Variants in RNF150 observed in about 807,000 individuals in gnomAD.
RNF150 encodes the protein ring finger protein 150.
In RNF150, 24 loss-of-function variants were observed where a neutral mutation model predicts 39.3. The ratio of observed to expected loss-of-function variants is 0.61; its 90% CI spans 0.44 to 0.86. RNF150 has a LOEUF of 0.86. Among genes scored for constraint, RNF150 ranks in the 40% least tolerant of loss-of-function variants. RNF150 has a pLI of 0.00. For synonymous variants in RNF150, 255 were observed against 227.3 expected (o/e 1.12, Z -1.10); for missense variants, 502 against 587.8 (o/e 0.85, Z 1.51).
chr4:140,902,820 G>C (rs1036931340), intron 6 of RNF150, among the ~76,000 whole-genome samples: 3 of 152,296 alleles, frequency 2.0e-5, no homozygotes, highest in African/African-American at 7.2e-5. Flanking sequence ...CAACTGTGCT[G>C]CTGTTCCAGC....
chr4:141,140,660 A>G (rs1727103898), intron 1 of RNF150, among the ~76,000 whole-genome samples: 1 of 152,218 alleles, frequency 6.6e-6, no homozygotes. Context: ...AGGTTGAACT[A>G]AAAGCCAAGA....
At chr4:140,987,086 G>A (rs1054818888) in intron 1 of RNF150, among the ~76,000 whole-genome samples, 5 of 151,878 alleles carry the variant, frequency 3.3e-5, no homozygotes, top group African/African-American at 1.2e-4. Flanking sequence ...GTTCTACAAG[G>A]AGAACTACAA....
At chr4:141,037,655 C>T (rs1329709880) in intron 1 of RNF150, among the ~76,000 whole-genome samples, 1 of 152,074 alleles carries the variant, frequency 6.6e-6, no homozygotes, top group South Asian at 2.1e-4. Context: ...ATCAAAAGAG[C>T]CTTTTTCCCA....
intron 1 of RNF150, among the ~76,000 whole-genome samples, chr4:141,195,558 G>A (rs1426315006): frequency 6.6e-6 from 1 of 152,134 alleles, no homozygotes; most frequent in Admixed American, 6.5e-5. Context: ...GGGGGATGTT[G>A]TTATGGTAGA....
intron 1 of RNF150, among the ~76,000 whole-genome samples, chr4:141,101,583 A>G (rs1257794908): frequency 1.3e-5 from 2 of 152,110 alleles, no homozygotes; most frequent in African/African-American, 4.8e-5. Flanking sequence ...AGTACAATAA[A>G]TACATAAATC....
chr4:141,038,159 C>T (rs954699328), intron 1 of RNF150, among the ~76,000 whole-genome samples: 4 of 152,106 alleles, frequency 2.6e-5, no homozygotes, highest in Admixed American at 6.6e-5. Flanking sequence ...GGAGAGAATG[C>T]TTGGCTGGTT....
intron 1 of RNF150, chr4:141,053,806 C>A (rs2110898313): frequency 1.5e-6 from 1 of 679,208 alleles, no homozygotes; most frequent in East Asian, 3.4e-5. Context: ...AAAGCTATCC[C>A]TTCAAAATGC....
At chr4:141,087,891 T>C (rs1269280226) in intron 1 of RNF150, among the ~76,000 whole-genome samples, 2 of 152,082 alleles carry the variant, frequency 1.3e-5, no homozygotes, top group Non-Finnish European at 2.9e-5. Flanking sequence ...AATTCCTCAG[T>C]CTGGTAATCA....
intron 1 of RNF150, among the ~76,000 whole-genome samples, chr4:141,176,986 C>T (rs1355986302): frequency 1.4e-5 from 2 of 141,702 alleles, no homozygotes; most frequent in Non-Finnish European, 3.0e-5. Flanking sequence ...GAGGCCAAGG[C>T]AGGAGAATTG....
chr4:141,161,380 G>A (rs1727510144), intron 1 of RNF150, among the ~76,000 whole-genome samples: 2 of 152,182 alleles, frequency 1.3e-5, no homozygotes, highest in South Asian at 4.1e-4. Context: ...CTATGCACAT[G>A]TGTGTAAGCA....
rs78100320 is a variant in RNF150 at position 140,938,676 on chromosome 4, G to A, written c.890+8978C>T. On this transcript the variant is annotated intron_variant, in intron 4 of 6. Coordinates refer to ENST00000515673, the MANE Select transcript of RNF150 (RefSeq NM_020724.2). ...ACCTTACTAAATCAATTTTTAGGAG[G>A]TAGGCAAGTCACTCTGAGCCTTAGA... Among the ~76,000 whole-genome samples the A allele has an allele frequency of 5.1e-3, 775 of 152,222 alleles. 11 individuals are homozygous for A. The highest frequency in any genetic ancestry group is 0.018 in the African/African-American group (734 of 41,526).
intron 1 of RNF150, among the ~76,000 whole-genome samples, chr4:141,043,850 A>G (rs1736460888): frequency 6.6e-6 from 1 of 152,120 alleles, no homozygotes; most frequent in African/African-American, 2.4e-5. Flanking sequence ...ATCAATCACA[A>G]CCTTGATTTC....
At chr4:141,010,659 G>A (rs866732074) in intron 1 of RNF150, among the ~76,000 whole-genome samples, 4 of 152,106 alleles carry the variant, frequency 2.6e-5, no homozygotes, top group Middle Eastern at 3.2e-3. Flanking sequence ...TGATCGTGAG[G>A]GACTGCGTGA....
chr4:140,868,703 C>T (rs998246847), intron 6 of RNF150, among the ~76,000 whole-genome samples: 1 of 151,936 alleles, frequency 6.6e-6, no homozygotes, highest in Non-Finnish European at 1.5e-5. Context: ...GTTACATATG[C>T]GTAACATTTA....
chr4:141,150,087 T>G (rs1258460191), intron 1 of RNF150, among the ~76,000 whole-genome samples: 2 of 152,162 alleles, frequency 1.3e-5, no homozygotes, highest in Non-Finnish European at 2.9e-5. Flanking sequence ...AATAAAATCA[T>G]AGCATCATTT....
intron 1 of RNF150, among the ~76,000 whole-genome samples, chr4:141,139,053 CAAAG>C (rs1339524304): frequency 2.0e-5 from 3 of 151,988 alleles, no homozygotes; most frequent in African/African-American, 7.2e-5. Flanking sequence ...AAAAAGAAGA[CAAAG>C]AAAAATTTAG....
intron 1 of RNF150, among the ~76,000 whole-genome samples, chr4:141,033,787 G>A (rs1001477236): frequency 6.6e-6 from 1 of 152,126 alleles, no homozygotes; most frequent in Admixed American, 6.6e-5. Context: ...ATCATATTTT[G>A]AAAGAAGTCT....
At chr4:141,106,569 G>C (rs1366964940) in intron 1 of RNF150, among the ~76,000 whole-genome samples, 1 of 152,098 alleles carries the variant, frequency 6.6e-6, no homozygotes, top group Non-Finnish European at 1.5e-5. Context: ...GAGGCAGGTG[G>C]ATCACCTGAG....
At position 140,866,626 on chromosome 4, in the gene RNF150, G is replaced by C. The variant is rs1728720742; in HGVS notation, c.*1635C>G. 6.6e-6 allele frequency: 1 copy of C among 152,192 alleles called. No homozygotes were observed. Among genetic ancestry groups the C allele is most frequent in the Non-Finnish European group, 1.5e-5 (1 of 68,038 alleles). 9.4% of individuals were successfully genotyped at this position (152,192 alleles called of 1,614,324 possible). A position where few individuals can be genotyped will look rare whatever the true frequency, so the allele number is the denominator to read the frequency against. The stretch of plus-strand genomic sequence containing the variant: ...TTGACCTGCACACCATGTTTCAGCA[G>C]GCGGCAAGGATTTACAGCAGAACCA... On this transcript the variant is annotated 3_prime_UTR_variant, in exon 7 of 7. Coordinates refer to ENST00000515673, the MANE Select transcript of RNF150 (RefSeq NM_020724.2).
Sources: gnomAD v4.1 joint callset for allele counts (sites outside exome capture counted in the v4.1 genomes callset) on GRCh38, gnomAD v4.1.1 for gene constraint, MANE v1.5 for transcripts, NCBI Gene and HGNC (gene_info 2026-07-23, HGNC 2026-07-21) for gene names.